Variants in PLCG2 observed in about 807,000 individuals in gnomAD.
PLCG2 encodes the protein 1-phosphatidylinositol 4,5-bisphosphate phosphodiesterase gamma-2.
PLCG2 carries 69 observed loss-of-function variants against 175.6 expected under a neutral mutation model. The observed-to-expected ratio is 0.39, with a 90% CI of 0.32 to 0.48. PLCG2 has a LOEUF of 0.48. PLCG2 is among the 20% of genes least tolerant of loss of function. PLCG2 has a pLI of 0.91. For synonymous variants in PLCG2, 827 were observed against 624.0 expected, an observed-to-expected ratio of 1.33 and a Z score of -4.85; for missense variants, 1,798 against 1,650.9, an observed-to-expected ratio of 1.09 and a Z score of -1.54.
rs769715170 is a variant in PLCG2 at position 81,858,273 on chromosome 16, A to T, written c.348A>T (p.Lys116Asn). The T allele has an allele frequency of 1.9e-5, 31 of 1,612,244 alleles. No individual in the cohort carries two copies. In the South Asian group the frequency reaches 3.0e-4, roughly 15 times the overall value. The change falls in exon 4 of 33, where the codon AAA becomes AAT. Residue 116 changes from lysine to asparagine, a missense_variant. Lys to Asn is a moderately conservative substitution (Grantham distance 94, BLOSUM62 0). Coordinates refer to ENST00000564138, the MANE Select transcript of PLCG2 (RefSeq NM_002661.5). ...LSTLSLAADSKEDAVNWLSGL... is the reference protein window; with the variant it reads ...LSTLSLAADSNEDAVNWLSGL... ...CTTTCTCCACTCCAGCTGACTCTAA[A>T]GAGGATGCAGTTAACTGGCTCTCTG...
chr16:81,753,593 A>G (rs1251933595), intron 1 of PLCG2, among the ~76,000 whole-genome samples: 1 of 151,770 alleles, frequency 6.6e-6, no homozygotes, highest in African/African-American at 2.4e-5. Flanking sequence ...TAATTTTTGT[A>G]TTTTCAGTAG....
Position 81,936,397 on chromosome 16 carries a change from T to G in PLCG2, c.3052+19T>G. ...ACGGCAGGTAAAGGCCGACTGAAGG[T>G]AGTCCCGTCCCTGCAAGGTGGCGGT... On this transcript the variant is annotated intron_variant, in intron 27 of 32. Coordinates refer to ENST00000564138, the MANE Select transcript of PLCG2 (RefSeq NM_002661.5). 6.2e-7 allele frequency: 1 copy of G among 1,606,124 alleles called. No homozygotes were observed. The highest frequency in any genetic ancestry group is 8.5e-7 in the Non-Finnish European group (1 of 1,174,042).
intron 13 of PLCG2, among the ~76,000 whole-genome samples, chr16:81,897,405 T>C (rs1428788267): frequency 6.6e-6 from 1 of 152,190 alleles, no homozygotes; most frequent in Non-Finnish European, 1.5e-5. Flanking sequence ...ATAGAGGTGA[T>C]AACTGTGTGC....
chr16:81,840,290 GTC>G (rs1204947810), intron 2 of PLCG2, among the ~76,000 whole-genome samples: 1 of 152,144 alleles, frequency 6.6e-6, no homozygotes, highest in African/African-American at 2.4e-5. Context: ...GCCCATAGGT[GTC>G]TCAGAGCAGC....
At chr16:81,787,108 T>C (rs1911004453) in intron 2 of PLCG2, among the ~76,000 whole-genome samples, 2 of 152,256 alleles carry the variant, frequency 1.3e-5, no homozygotes, top group Non-Finnish European at 2.9e-5. Flanking sequence ...ACACATGACA[T>C]GTAATGGCAC....
chr16:81,821,552 C>T (rs1227592033), intron 2 of PLCG2, among the ~76,000 whole-genome samples: 1 of 152,092 alleles, frequency 6.6e-6, no homozygotes, highest in Non-Finnish European at 1.5e-5. Context: ...GAGGTGGGTC[C>T]TGGGGGCTCC....
intron 2 of PLCG2, among the ~76,000 whole-genome samples, chr16:81,819,126 G>A (rs1043843839): frequency 1.3e-5 from 2 of 152,004 alleles, no homozygotes; most frequent in Admixed American, 6.6e-5. Flanking sequence ...CATTCTGGTC[G>A]GCCTGACTGT....
At chr16:81,846,253 C>A (rs560974356) in intron 2 of PLCG2, among the ~76,000 whole-genome samples, 1 of 152,276 alleles carries the variant, frequency 6.6e-6, no homozygotes, top group Admixed American at 6.5e-5. Context: ...GCCTCCCTTC[C>A]TTCAGGAGGA....
At chr16:81,840,699 G>A (rs544542242) in intron 2 of PLCG2, among the ~76,000 whole-genome samples, 2 of 152,158 alleles carry the variant, frequency 1.3e-5, no homozygotes, top group South Asian at 2.1e-4. Context: ...AGTAATGTTC[G>A]CTAGACCCCT....
At chr16:81,878,123 C>A (rs1439231227) in intron 7 of PLCG2, among the ~76,000 whole-genome samples, 1 of 151,640 alleles carries the variant, frequency 6.6e-6, no homozygotes, top group Non-Finnish European at 1.5e-5. Flanking sequence ...CTGGGGACTA[C>A]AGGCGCCCAC....
intron 23 of PLCG2, 64 bp downstream of exon 23, chr16:81,927,242 G>A (rs964342577): frequency 3.6e-6 from 4 of 1,114,646 alleles, no homozygotes; most frequent in African/African-American, 3.1e-5. Context: ...TTTTCAGGGA[G>A]CTGTGCCATC....
upstream of PLCG2, among the ~76,000 whole-genome samples, chr16:81,778,023 AAAAAAAAAC>A (rs1910491088): frequency 8.7e-5 from 7 of 80,178 alleles, no homozygotes; most frequent in African/African-American, 3.3e-4. Flanking sequence ...TCTCAAAAAA[AAAAAAAAAC>A]AAAAAAAAAA....
intron 2 of PLCG2, among the ~76,000 whole-genome samples, chr16:81,849,273 A>G (rs1906276898): frequency 6.6e-6 from 1 of 152,194 alleles, no homozygotes; most frequent in Admixed American, 6.5e-5. Context: ...TAGACAAGAG[A>G]TAATGGTGGC....
At chr16:81,763,777 G>A (rs1910088284) in intron 2 of PLCG2, among the ~76,000 whole-genome samples, 1 of 151,920 alleles carries the variant, frequency 6.6e-6, no homozygotes, top group Admixed American at 6.6e-5. Flanking sequence ...GACCAGCCTG[G>A]CCAACATGGT....
chr16:81,771,783 CTTGT>C (rs975088339), intron 2 of PLCG2, among the ~76,000 whole-genome samples: 179 of 145,010 alleles, frequency 1.2e-3, no homozygotes, highest in African/African-American at 4.4e-3. Context: ...TTTTTGTTTG[CTTGT>C]TTGTTTGTTT....
chr16:81,961,761 T>C lies in PLCG2; in HGVS notation c.*3763T>C, dbSNP rs1911784418. 9.8e-6 allele frequency: 2 copies of C among 204,518 alleles called. No homozygotes were observed. Among genetic ancestry groups the C allele is most frequent in the African/African-American group, 4.6e-5 (2 of 43,726 alleles). 12.7% of individuals were successfully genotyped at this position (204,518 alleles called of 1,614,324 possible). On this transcript the variant is annotated 3_prime_UTR_variant, in exon 33 of 33. Coordinates refer to ENST00000564138, the MANE Select transcript of PLCG2 (RefSeq NM_002661.5). ...AACCTCCTGGGCTAAATTTAAAAAG[T>C]AATACAACAGTTTTATTTAAACATG...
intron 17 of PLCG2, 87 bp from the exon 18 acceptor site, chr16:81,910,433 C>T: frequency 1.7e-6 from 2 of 1,174,126 alleles, no homozygotes; most frequent in East Asian, 2.4e-5. Context: ...TGTGTGGCCA[C>T]ATGTAATGTC....
At chr16:81,866,391 G>A (rs1567506087) in intron 5 of PLCG2, among the ~76,000 whole-genome samples, 3 of 113,112 alleles carry the variant, frequency 2.7e-5, no homozygotes, top group East Asian at 5.9e-4. Context: ...CAGCATGAGA[G>A]GACGCTGGCC....
At chr16:81,861,201 C>A (rs1906964480) in intron 5 of PLCG2, among the ~76,000 whole-genome samples, 1 of 152,128 alleles carries the variant, frequency 6.6e-6, no homozygotes, top group Non-Finnish European at 1.5e-5. Flanking sequence ...TTCATTCATT[C>A]TTGATTTATT....
Sources: allele counts gnomAD v4.1 joint callset (sites outside exome capture counted in the v4.1 genomes callset), GRCh38; gene constraint gnomAD v4.1.1; transcripts MANE v1.5; gene names NCBI Gene and HGNC (gene_info 2026-07-23, HGNC 2026-07-21).